SNX25: variants seen among roughly 807,000 people sequenced by gnomAD.
The protein encoded by SNX25 is sorting nexin-25.
In SNX25, 62 loss-of-function variants were observed where a neutral mutation model predicts 113.7. The observed-to-expected ratio is 0.55, with a 90% CI of 0.44 to 0.67. SNX25 has a LOEUF of 0.67. Among genes scored for constraint, SNX25 ranks in the 30% least tolerant of loss-of-function variants. The pLI is 0.00. For missense variants in SNX25, 1,014 were observed against 1,161.0 expected (o/e 0.87, Z 1.84); for synonymous variants, 421 against 436.2 (o/e 0.97, Z 0.43).
intron 2 of SNX25, among the ~76,000 whole-genome samples, chr4:185,248,875 C>G (rs1292820775): frequency 6.6e-6 from 1 of 152,160 alleles, no homozygotes; most frequent in Non-Finnish European, 1.5e-5. Context: ...TTCATTTTGT[C>G]TCTTCTAAAA....
downstream of SNX25, among the ~76,000 whole-genome samples, chr4:185,374,892 G>A (rs77279218): frequency 0.019 from 2,819 of 152,064 alleles, 85 homozygotes; most frequent in African/African-American, 0.065. Flanking sequence ...AACAAACACC[G>A]TCTTCCATTC....
intron 5 of SNX25, among the ~76,000 whole-genome samples, chr4:185,282,109 CA>C (rs1461494906): frequency 2.6e-5 from 4 of 152,116 alleles, no homozygotes; most frequent in African/African-American, 7.2e-5. Flanking sequence ...TTTTATAAAA[CA>C]GTGTTTTAAA....
chr4:185,324,473 T>C (rs2095141813), intron 9 of SNX25, among the ~76,000 whole-genome samples: 1 of 152,146 alleles, frequency 6.6e-6, no homozygotes, highest in Non-Finnish European at 1.5e-5. Flanking sequence ...AGAGAGCTTA[T>C]CACAGGCTTG....
chr4:185,316,020 T>C (rs2095071411), intron 7 of SNX25, among the ~76,000 whole-genome samples: 1 of 152,230 alleles, frequency 6.6e-6, no homozygotes, highest in Admixed American at 6.5e-5. Flanking sequence ...TACACATATA[T>C]TCAATGAAAC....
At chr4:185,243,514 G>T (rs1744375165) in intron 1 of SNX25, among the ~76,000 whole-genome samples, 1 of 152,050 alleles carries the variant, frequency 6.6e-6, no homozygotes, top group African/African-American at 2.4e-5. Flanking sequence ...GAGGGGGAAG[G>T]ATTGCTTGAG....
intron 2 of SNX25, among the ~76,000 whole-genome samples, chr4:185,254,379 G>A (rs1184508202): frequency 6.6e-6 from 1 of 152,176 alleles, no homozygotes; most frequent in African/African-American, 2.4e-5. Context: ...CTGGTTGAAT[G>A]AGGACTGTCT....
intron 7 of SNX25, among the ~76,000 whole-genome samples, chr4:185,320,269 A>C (rs2095109259): frequency 6.6e-6 from 1 of 152,242 alleles, no homozygotes; most frequent in Admixed American, 6.5e-5. Context: ...AATGTGGTAC[A>C]TATACATCAT....
chr4:185,332,590 C>A lies in SNX25; in HGVS notation c.1750-5C>A, dbSNP rs778098447. ...AGATATGGTGGTATGTGACTCTCCCCCTAGGGCCCAAGAGATGAGGCTGGT... is the reference window on the plus strand; with the variant it reads ...AGATATGGTGGTATGTGACTCTCCCACTAGGGCCCAAGAGATGAGGCTGGT... On this transcript the variant is annotated splice_region_variant and splice_polypyrimidine_tract_variant and intron_variant, in intron 9 of 18. Transcript: ENST00000652585. The A allele has an allele frequency of 2.5e-6, 4 of 1,608,300 alleles. No homozygotes were observed. Among genetic ancestry groups the A allele is most frequent in the Non-Finnish European group, 3.4e-6 (4 of 1,176,910 alleles).
chr4:185,371,521 A>C (rs4861663), downstream of SNX25, among the ~76,000 whole-genome samples: 13 of 143,570 alleles, frequency 9.1e-5, no homozygotes, highest in South Asian at 2.7e-3. Flanking sequence ...CAGCCTGGGC[A>C]ACAGAGCGAG....
rs1053769479 is a variant in SNX25, at chr4:185,210,995, C to T, written c.429+740C>T. Among the ~76,000 whole-genome samples, 2 of 152,172 alleles carry T rather than the reference C, an allele frequency of 1.3e-5. No homozygotes were observed. Among genetic ancestry groups the T allele is most frequent in the African/African-American group, 4.8e-5 (2 of 41,446 alleles). Reference sequence around the variant, plus strand: ...GCCCCATCTTTCTTCCACATTCCTTCTCATAATCCTTTAAAGGGAACTTTA... The same window carrying T: ...GCCCCATCTTTCTTCCACATTCCTTTTCATAATCCTTTAAAGGGAACTTTA... On this transcript the variant is annotated intron_variant, in intron 1 of 18. Coordinates refer to ENST00000652585, the MANE Select transcript of SNX25 (RefSeq NM_001378034.2). The surrounding 1 kb of genome is among the most constrained non-coding windows in gnomAD (Gnocchi z 4.4).
At position 185,272,481 on chromosome 4, in the gene SNX25, G is replaced by A. The variant is rs185962480; in HGVS notation, c.1091+5326G>A. ...GCTGCCTGCATTGTGTAATCCTGCA[G>A]TGCATTTGTAAACTGTGTGCTAATG... On this transcript the variant is annotated intron_variant, in intron 5 of 18. Coordinates refer to ENST00000652585, the MANE Select transcript of SNX25 (RefSeq NM_001378034.2). 1.2e-4 allele frequency among the ~76,000 whole-genome samples: 19 copies of A among 152,314 alleles called. No homozygotes were observed. The East Asian group carries it at 3.5e-3, about 28-fold the overall frequency.
rs1287186331 is a variant in SNX25 at position 185,210,284 on chromosome 4, T to G, written c.429+29T>G. 1.4e-5 allele frequency: 14 copies of G among 984,114 alleles called. No individual in the cohort carries two copies. Among genetic ancestry groups the G allele is most frequent in the Non-Finnish European group, 1.6e-5 (13 of 829,652 alleles). 61.0% of individuals were successfully genotyped at this position (984,114 alleles called of 1,614,324 possible). Reference sequence around the variant, plus strand: ...AGTACCCGACTCCTGGCCGCCCAGCTCCGCCGGCCCTCCCCGCTTCCGGTG... The same window carrying G: ...AGTACCCGACTCCTGGCCGCCCAGCGCCGCCGGCCCTCCCCGCTTCCGGTG... On this transcript the variant is annotated intron_variant, in intron 1 of 18. Transcript: ENST00000652585. The surrounding 1 kb of genome is among the most constrained non-coding windows in gnomAD (Gnocchi z 4.4).
intron 1 of SNX25, among the ~76,000 whole-genome samples, chr4:185,233,356 A>AC (rs1200218347): frequency 6.6e-6 from 1 of 152,124 alleles, no homozygotes; most frequent in Non-Finnish European, 1.5e-5. Flanking sequence ...CCTCTCCAGT[A>AC]CCCAGCTAAG....
chr4:185,349,292 G>A (rs1384693369), intron 13 of SNX25, among the ~76,000 whole-genome samples: 2 of 152,134 alleles, frequency 1.3e-5, no homozygotes, highest in Non-Finnish European at 2.9e-5. Context: ...TGTATACCAC[G>A]TTTTCTCTAT....
At chr4:185,227,151 G>A (rs1300860940) in intron 1 of SNX25, among the ~76,000 whole-genome samples, 1 of 152,268 alleles carries the variant, frequency 6.6e-6, no homozygotes, top group East Asian at 1.9e-4. Context: ...GCTCAGAAAT[G>A]CTTCTGGCAG....
intron 2 of SNX25, among the ~76,000 whole-genome samples, chr4:185,248,358 T>C (rs1419904751): frequency 2.0e-5 from 3 of 152,212 alleles, no homozygotes; most frequent in African/African-American, 4.8e-5. Flanking sequence ...ATAATCATGA[T>C]TTTTAGAGTA....
At chr4:185,249,796 G>T (rs1352328381) in intron 2 of SNX25, among the ~76,000 whole-genome samples, 2 of 151,466 alleles carry the variant, frequency 1.3e-5, no homozygotes, top group Non-Finnish European at 2.9e-5. Flanking sequence ...TTTTCTTGTT[G>T]TTTCTGCAAT....
At chr4:185,233,492 A>T (rs1473172610) in intron 1 of SNX25, among the ~76,000 whole-genome samples, 1 of 152,234 alleles carries the variant, frequency 6.6e-6, no homozygotes, top group African/African-American at 2.4e-5. Context: ...GAAGCCAGTG[A>T]TAAAATAGTT....
chr4:185,339,575 T>C (rs2095249589), intron 11 of SNX25, 65 bp downstream of exon 11: 1 of 1,552,934 alleles, frequency 6.4e-7, no homozygotes, highest in African/African-American at 1.4e-5. Flanking sequence ...AAAGATTTTA[T>C]CCTGAAGAAT....
Sources: allele counts gnomAD v4.1 joint callset (sites outside exome capture counted in the v4.1 genomes callset), GRCh38; gene constraint gnomAD v4.1.1; non-coding constraint Gnocchi (gnomAD v3.1); transcripts MANE v1.5; gene names NCBI Gene and HGNC (gene_info 2026-07-23, HGNC 2026-07-21).